The following DAB1 variants were observed in gnomAD, a reference collection of about 807,000 sequenced individuals.
DAB1 encodes DAB adaptor protein 1, also known as disabled homolog 1.
Under a neutral mutation model 64.6 loss-of-function variants are expected in DAB1, and 15 were observed. The ratio of observed to expected loss-of-function variants is 0.23; its 90% confidence interval spans 0.16 to 0.36. DAB1 has a LOEUF of 0.36. Among genes scored for constraint, DAB1 ranks in the 10% least tolerant of loss-of-function variants. The probability of loss-of-function intolerance (pLI) is 1.00; values close to 1 mark genes in which losing one functional copy is unlikely to be tolerated. For missense variants in DAB1, 596 were observed against 706.7 expected (o/e 0.84, Z 1.78); for synonymous variants, 235 against 251.9 (o/e 0.93, Z 0.64).
At chr1:58,127,651 C>T (rs949186365) in intron 5 of DAB1, among the ~76,000 whole-genome samples, 2 of 152,260 alleles carry the variant, frequency 1.3e-5, no homozygotes, top group South Asian at 2.1e-4. Flanking sequence ...GTGTAAGGAA[C>T]GGATCCAGTT....
In DAB1 at chr1:57,731,315, A is replaced by G. The variant is rs571209273; in HGVS notation, n.552-81650T>C. ...AGTGGGATGGTGGTTTCCAGGGGAC[A>G]GGGCCTGGGGGTGGGGAATTATTGT... is the stretch of plus-strand genomic sequence containing the variant. On this transcript the variant is annotated intron_variant and non_coding_transcript_variant, in intron 6 of 20. Coordinates refer to the DAB1 transcript ENST00000485760. 2.2e-3 allele frequency among the ~76,000 whole-genome samples: 339 copies of G among 152,274 alleles called. 1 individual carries two copies. Among genetic ancestry groups the G allele is most frequent in the African/African-American group, 7.7e-3 (320 of 41,552 alleles).
chr1:58,106,148 T>TCTTTCTTTCTTTCTTTC, intron 5 of DAB1, among the ~76,000 whole-genome samples: 1 of 147,148 alleles, frequency 6.8e-6, no homozygotes, highest in South Asian at 2.1e-4. Context: ...TTCTTTCTTT[T>TCTTTCTTTCTTTCTTTC]CTTTCTTTCT....
intron 1 of DAB1, among the ~76,000 whole-genome samples, chr1:57,850,909 T>C (rs1653492416): frequency 6.6e-6 from 1 of 152,192 alleles, no homozygotes. Context: ...CCCATTCCTT[T>C]TCATTTCTGC....
At chr1:57,346,348 G>A (rs971774976) in intron 1 of DAB1, among the ~76,000 whole-genome samples, 2 of 152,206 alleles carry the variant, frequency 1.3e-5, no homozygotes, top group African/African-American at 4.8e-5. Flanking sequence ...TCCTCAAAGA[G>A]ATTTTGATGT....
intron 1 of DAB1, among the ~76,000 whole-genome samples, chr1:57,356,926 T>G (rs982280468): frequency 1.3e-5 from 2 of 151,982 alleles, no homozygotes; most frequent in African/African-American, 4.8e-5. Context: ...ACTCTGCCAC[T>G]TTTAAGCCAT....
intron 2 of DAB1, among the ~76,000 whole-genome samples, chr1:57,270,108 C>T (rs935697057): frequency 6.6e-6 from 1 of 152,222 alleles, no homozygotes; most frequent in African/African-American, 2.4e-5. Flanking sequence ...CCCAGAGCTA[C>T]AGACAAGCTC....
intron 2 of DAB1, among the ~76,000 whole-genome samples, chr1:58,522,114 GC>G (rs1295976344): frequency 2.6e-5 from 4 of 152,028 alleles, no homozygotes; most frequent in Non-Finnish European, 5.9e-5. Context: ...AATGTAATTT[GC>G]CCAATAACAG....
In DAB1 at chr1:57,701,002, A is replaced by C. The variant is rs572964571; in HGVS notation, n.552-51337T>G. On this transcript the variant is annotated intron_variant and non_coding_transcript_variant, in intron 6 of 20. Coordinates refer to the DAB1 transcript ENST00000485760. ...AGAAATGCAAATCAAAACCACAATG[A>C]GATACCATCTCACACCAGTTAGAAT... Among the ~76,000 whole-genome samples the C allele has an allele frequency of 4.8e-3, 732 of 152,024 alleles. 7 individuals are homozygous for C. The highest frequency in any genetic ancestry group is 0.017 in the African/African-American group (694 of 41,284).
At chr1:57,768,949 C>T (rs1158103718) in intron 6 of DAB1, among the ~76,000 whole-genome samples, 2 of 152,102 alleles carry the variant, frequency 1.3e-5, no homozygotes, top group African/African-American at 4.8e-5. Context: ...GGCCACACCC[C>T]CAACCAGATT....
chr1:58,004,641 T>C (rs1212545100), intron 5 of DAB1, among the ~76,000 whole-genome samples: 2 of 152,200 alleles, frequency 1.3e-5, no homozygotes, highest in Non-Finnish European at 2.9e-5. Flanking sequence ...TAGAATGTCC[T>C]TGGTAGAGTT....
In DAB1 at chr1:58,321,414, C is replaced by G. The variant is rs577291631; in HGVS notation, n.309+21938G>C. On this transcript the variant is annotated intron_variant and non_coding_transcript_variant, in intron 4 of 20. Coordinates refer to the DAB1 transcript ENST00000485760. ...GTTCATCTCACTGGGACTGGTTGGA[C>G]AGTGGGTGCAGCCCACGGAGGGCAA... 5.3e-5 allele frequency among the ~76,000 whole-genome samples: 8 copies of G among 152,336 alleles called. No homozygotes were observed. The East Asian group carries it at 1.5e-3, about 29-fold the overall frequency.
intron 3 of DAB1, among the ~76,000 whole-genome samples, chr1:58,455,405 C>T (rs1414287370): frequency 1.3e-5 from 2 of 152,232 alleles, no homozygotes; most frequent in Non-Finnish European, 2.9e-5. Context: ...ACCCCGCGGA[C>T]AGGCGCAATG....
chr1:58,523,877 T>C (rs936482556), intron 2 of DAB1, among the ~76,000 whole-genome samples: 6 of 152,034 alleles, frequency 3.9e-5, no homozygotes, highest in Non-Finnish European at 7.4e-5. Flanking sequence ...CCAGCCTGGG[T>C]GACAGAGCGA....
At chr1:57,821,534 C>A (rs181196786), downstream of DAB1, among the ~76,000 whole-genome samples, 387 of 152,260 alleles carry the variant, frequency 2.5e-3, 4 homozygotes, top group Non-Finnish European at 4.7e-3. Flanking sequence ...CTTTCACAAC[C>A]ATTTGGGAGC....
intron 2 of DAB1, among the ~76,000 whole-genome samples, chr1:57,213,017 G>A (rs1666147509): frequency 6.6e-6 from 1 of 152,170 alleles, no homozygotes; most frequent in Admixed American, 6.5e-5. Flanking sequence ...GGACAATAGA[G>A]GCAGAAGGTG....
At chr1:57,586,114 G>C (rs2101561372) in intron 7 of DAB1, among the ~76,000 whole-genome samples, 2 of 152,144 alleles carry the variant, frequency 1.3e-5, no homozygotes, top group East Asian at 3.9e-4. Flanking sequence ...GATCTAGTGG[G>C]GGAAAAAAAG....
chr1:56,999,662 G>C (rs1645769392), intron 14 of DAB1, among the ~76,000 whole-genome samples: 1 of 152,134 alleles, frequency 6.6e-6, no homozygotes, highest in Admixed American at 6.5e-5. Flanking sequence ...AGGTTGTACT[G>C]GCCCATCATT....
intron 4 of DAB1, among the ~76,000 whole-genome samples, chr1:57,128,580 G>A (rs1657363179): frequency 6.6e-6 from 1 of 151,914 alleles, no homozygotes; most frequent in African/African-American, 2.4e-5. Flanking sequence ...TTACCATCTG[G>A]CCCTTTAAAA....
intron 4 of DAB1, among the ~76,000 whole-genome samples, chr1:58,215,376 A>C (rs1658793172): frequency 6.7e-6 from 1 of 149,324 alleles, no homozygotes. Context: ...AATCCTGGGC[A>C]ATCTCTGGTC....
Sources: allele counts gnomAD v4.1 joint callset (sites outside exome capture counted in the v4.1 genomes callset), GRCh38; gene constraint gnomAD v4.1.1; transcripts MANE v1.5; gene names NCBI Gene and HGNC (gene_info 2026-07-23, HGNC 2026-07-21).